The following SPATC1L variants were observed in gnomAD, a reference collection of about 807,000 sequenced individuals.
SPATC1L encodes spermatogenesis and centriole associated 1 like, also known as speriolin-like protein.
Under a neutral mutation model 21.2 loss-of-function variants are expected in SPATC1L, and 20 were observed. That is an observed-to-expected ratio of 0.94 (90% confidence interval 0.66 to 1.37). The LOEUF is 1.37. SPATC1L is among the 40% of genes most tolerant of loss of function. The probability of loss-of-function intolerance (pLI) is 0.00; values close to 1 mark genes in which losing one functional copy is unlikely to be tolerated. For missense variants in SPATC1L, 499 were observed against 478.7 expected (o/e 1.04, Z -0.40); for synonymous variants, 290 against 234.5 (o/e 1.24, Z -2.16).
rs1445473240 is a variant in SPATC1L at position 46,161,445 on chromosome 21, C to T, written c.957G>A (p.Ser319=). The change falls in exon 5 of 5, where the codon TCG becomes TCA. Residue 319 remains serine (S), a synonymous_variant. Transcript: ENST00000291672. The part of the protein sequence containing the change: ...DVVPPKFLGD[S]LLLLNCLCEL... The stretch of plus-strand genomic sequence containing the variant: ...CGCACAGGCAGTTGAGCAGCAGCAG[C>T]GAGTCGCCCAGGAACTTGGGGGGCA... The T allele has an allele frequency of 3.8e-6, 6 of 1,583,170 alleles. No individual in the cohort carries two copies. The highest frequency in any genetic ancestry group is 4.5e-5 in the East Asian group (2 of 44,344).
chr21:46,169,589 C>CT (rs1286566723), intron 2 of SPATC1L, among the ~76,000 whole-genome samples: 15 of 131,204 alleles, frequency 1.1e-4, no homozygotes, highest in Non-Finnish European at 1.8e-4. Flanking sequence ...GGGGAGGAGC[C>CT]CCCTGCTCTG....
At chr21:46,182,499 T>C in intron 2 of SPATC1L, 125 bp downstream of exon 2, 1 of 877,574 alleles carries the variant, frequency 1.1e-6, no homozygotes, top group African/African-American at 1.7e-5. Flanking sequence ...TACTCAGACC[T>C]GAGGGTGTGA....
intron 2 of SPATC1L, among the ~76,000 whole-genome samples, chr21:46,180,773 G>A (rs1480832485): frequency 1.3e-5 from 2 of 152,168 alleles, no homozygotes; most frequent in East Asian, 1.9e-4. Context: ...GCCCCTCCCC[G>A]CTGCCAGCCC....
At position 46,182,919 on chromosome 21, in the gene SPATC1L, G is replaced by A. The variant is rs1410146927; in HGVS notation, c.-103C>T. 6 of 1,231,592 alleles carry A rather than the reference G, an allele frequency of 4.9e-6. No homozygotes were observed. Among genetic ancestry groups the A allele is most frequent in the Admixed American group, 2.8e-5 (1 of 35,304 alleles). The allele number at this position is 1,231,592 out of a possible 1,614,324, so 76.3% of individuals were successfully genotyped here. A position where few individuals can be genotyped will look rare whatever the true frequency, so the allele number is the denominator to read the frequency against. On this transcript the variant is annotated 5_prime_UTR_variant, in exon 2 of 5. In the 5' UTR this introduces an upstream ATG that the reference lacks. Transcript: ENST00000291672. ...AGAAACAGCCCAGGCACGGAGTTCC[G>A]TAGCCACCACCGCCTTCCACGCCTT...
chr21:46,162,590 C>CTTTTTTTTTTTTTTTTTTT (rs3057184), intron 3 of SPATC1L, among the ~76,000 whole-genome samples: 1 of 133,394 alleles, frequency 7.5e-6, no homozygotes, highest in Non-Finnish European at 1.5e-5. Flanking sequence ...GTTGGCAGGA[C>CTTTTTTTTTTTTTTTTTTT]TTTTTTTTTT....
intron 2 of SPATC1L, among the ~76,000 whole-genome samples, chr21:46,171,887 T>C (rs1355720817): frequency 6.9e-6 from 1 of 145,494 alleles, no homozygotes; most frequent in Non-Finnish European, 1.5e-5. Flanking sequence ...CTCAATTAGG[T>C]TTCAAAATTT....
Position 46,182,984 on chromosome 21 carries a change from G to A in SPATC1L, c.-168C>T. Reference sequence around the variant, plus strand: ...CTAGTGATGAGGTGCCCAGCACCCTGCCTGCCCCCGCGATGGCTCATGGCC... The same window carrying A: ...CTAGTGATGAGGTGCCCAGCACCCTACCTGCCCCCGCGATGGCTCATGGCC... On this transcript the variant is annotated 5_prime_UTR_variant, in exon 2 of 5. It introduces an in-frame stop codon into an upstream open reading frame of the 5' UTR. Transcript: ENST00000291672. The A allele has an allele frequency of 1.4e-6, 1 of 710,042 alleles. No homozygotes were observed. The highest frequency in any genetic ancestry group is 2.2e-6 in the Non-Finnish European group (1 of 459,382). The allele number at this position is 710,042 out of a possible 1,614,324, so 44.0% of individuals were successfully genotyped here. A position where few individuals can be genotyped will look rare whatever the true frequency, so the allele number is the denominator to read the frequency against.
At chr21:46,178,363 A>G (rs889612133) in intron 2 of SPATC1L, among the ~76,000 whole-genome samples, 1 of 152,150 alleles carries the variant, frequency 6.6e-6, no homozygotes, top group East Asian at 1.9e-4. Flanking sequence ...GCTCTTACTT[A>G]TAAGTGGGAG....
At chr21:46,165,505 T>G (rs529072468) in intron 3 of SPATC1L, among the ~76,000 whole-genome samples, 1 of 151,214 alleles carries the variant, frequency 6.6e-6, no homozygotes, top group South Asian at 2.1e-4. Context: ...ACAACATGAG[T>G]ATGAGGAGTC....
At chr21:46,176,331 G>A (rs2079633456) in intron 2 of SPATC1L, among the ~76,000 whole-genome samples, 1 of 152,096 alleles carries the variant, frequency 6.6e-6, no homozygotes, top group Non-Finnish European at 1.5e-5. Flanking sequence ...TAGAAAGAGA[G>A]GAAATCAAAC....
At chr21:46,177,842 T>C (rs937619142) in intron 2 of SPATC1L, among the ~76,000 whole-genome samples, 1 of 152,142 alleles carries the variant, frequency 6.6e-6, no homozygotes, top group South Asian at 2.1e-4. Flanking sequence ...CTATTCACAA[T>C]AGCAAAGACA....
intron 3 of SPATC1L, among the ~76,000 whole-genome samples, chr21:46,167,439 AGAG>A (rs1333620573): frequency 1.3e-5 from 2 of 152,246 alleles, no homozygotes; most frequent in African/African-American, 2.4e-5. Context: ...AATTAAGATC[AGAG>A]AAGAAATAAA....
Position 46,162,033 on chromosome 21 carries a change from C to T in SPATC1L, c.579G>A (p.Ala193=), listed in dbSNP as rs757202462. The T allele has an allele frequency of 5.0e-6, 8 of 1,592,446 alleles. No individual in the cohort carries two copies. The highest frequency in any genetic ancestry group is 3.4e-5 in the South Asian group (3 of 88,708). The change falls in exon 4 of 5, where the codon GCG becomes GCA. Residue 193 remains alanine, a synonymous_variant. Transcript: ENST00000291672. The part of the protein sequence containing the change: ...IQSFAGAEKD[A]RVVGEIAFQL... ...GGAAGGCGATCTCGCCCACCACGCG[C>T]GCGTCCTTCTCGGCGCCCGCGAAGC... is the stretch of plus-strand genomic sequence containing the variant.
rs774893260 is a variant in SPATC1L at position 46,162,014 on chromosome 21, C to T, written c.598G>A (p.Ala200Thr). The T allele has an allele frequency of 2.5e-6, 4 of 1,599,474 alleles. No homozygotes were observed. The highest frequency in any genetic ancestry group is 2.6e-6 in the Non-Finnish European group (3 of 1,175,452). ...AGGATGCGGCGGTCCAGCTGGAAGG[C>T]GATCTCGCCCACCACGCGCGCGTCC... ...EKDARVVGEI[A>T]FQLDRRILAY... The change falls in exon 4 of 5, where the codon GCC becomes ACC. Residue 200 changes from alanine to threonine, a missense_variant. Physicochemically the swap from Ala to Thr is moderately conservative, Grantham distance 58. Transcript: ENST00000291672.
chr21:46,168,709 T>C (rs146820112), intron 2 of SPATC1L, 51 bp from the exon 3 acceptor site: 159 of 1,233,922 alleles, frequency 1.3e-4, no homozygotes, highest in African/African-American at 9.0e-4. Flanking sequence ...TCCTAAAACA[T>C]TCCTGGGAAG....
chr21:46,164,006 T>A (rs938815910), intron 3 of SPATC1L, among the ~76,000 whole-genome samples: 8 of 151,994 alleles, frequency 5.3e-5, no homozygotes, highest in East Asian at 3.9e-4. Flanking sequence ...TTATTTATTG[T>A]TTGTTTGTTT....
At position 46,162,054 on chromosome 21, in the gene SPATC1L, G is replaced by A. The variant is rs1030274449; in HGVS notation, c.558C>T (p.Phe186=). The A allele has an allele frequency of 3.8e-6, 6 of 1,578,236 alleles. No homozygotes were observed. Among genetic ancestry groups the A allele is most frequent in the South Asian group, 3.4e-5 (3 of 87,342 alleles). Residue 186 remains phenylalanine (F), a synonymous_variant, in exon 4 of 5, where the codon TTC becomes TTT. Transcript: ENST00000291672. ...RSYYLNEIQS[F]AGAEKDARVV... is the part of the protein sequence containing the mutation. ...CGCGCGCGTCCTTCTCGGCGCCCGC[G>A]AAGCTCTGGATCTCTGGGGGAGGGA...
Position 46,183,107 on chromosome 21 carries a change from C to A in SPATC1L, c.-291G>T. 2.3e-6 allele frequency: 1 copy of A among 429,818 alleles called. No individual in the cohort carries two copies. The highest frequency in any genetic ancestry group is 3.8e-5 in the East Asian group (1 of 26,358). 26.6% of individuals were successfully genotyped at this position (429,818 alleles called of 1,614,324 possible). A position where few individuals can be genotyped will look rare whatever the true frequency, so the allele number is the denominator to read the frequency against. Reference sequence around the variant, plus strand: ...GAATGCCAAGGACATTAGGCAGCTACGGGATGTAGCGACTGTACTCCAAGA... The same window carrying A: ...GAATGCCAAGGACATTAGGCAGCTAAGGGATGTAGCGACTGTACTCCAAGA... On this transcript the variant is annotated 5_prime_UTR_variant, in exon 2 of 5. Coordinates refer to ENST00000291672, the MANE Select transcript of SPATC1L (RefSeq NM_001142854.2).
In SPATC1L at chr21:46,161,921, C is replaced by T. The variant is rs113710653; in HGVS notation, c.691G>A (p.Glu231Lys). ...GCCCTCCCCACGGGGCGCACCTGCT[C>T]GATCTTCTCGGGGATGTTGGCCACC... ...FTVANIPEKI[E>K]QTSTKSLDGS... Residue 231 changes from glutamate to lysine, a missense_variant, in exon 4 of 5, where the codon GAG (glutamate) becomes AAG (lysine). Coordinates refer to ENST00000291672, the MANE Select transcript of SPATC1L (RefSeq NM_001142854.2). 0.076 allele frequency: 121,449 copies of T among 1,605,954 alleles called. 5,497 individuals are homozygous for T. Among genetic ancestry groups the T allele is most frequent in the Non-Finnish European group, 0.084 (99,617 of 1,179,066 alleles).
Sources: gnomAD v4.1 joint callset for allele counts (sites outside exome capture counted in the v4.1 genomes callset) on GRCh38, gnomAD v4.1.1 for gene constraint, MANE v1.5 for transcripts, NCBI Gene and HGNC (gene_info 2026-07-23, HGNC 2026-07-21) for gene names.